The following RANBP2 variants were observed in gnomAD, a reference collection of about 807,000 sequenced individuals.
RANBP2 encodes E3 SUMO-protein ligase RanBP2.
A neutral mutation model predicts 303.6 loss-of-function variants in RANBP2; 57 were observed. The observed-to-expected ratio is 0.19, with a 90% CI of 0.15 to 0.23. The LOEUF is 0.23. RANBP2 is among the 10% of genes least tolerant of loss of function. The pLI is 1.00. For missense variants in RANBP2, 3,138 were observed against 3,780.8 expected (o/e 0.83, Z 4.46); for synonymous variants, 1,167 against 1,301.5 (o/e 0.90, Z 2.23).
chr2:108,969,042 C>T, the RANBP2 span, among the ~76,000 whole-genome samples: 17 of 152,282 alleles, frequency 1.1e-4, no homozygotes, highest in Non-Finnish European at 2.1e-4. Context: ...CAAGGGATCC[C>T]TCATTAAGGA....
the RANBP2 span, among the ~76,000 whole-genome samples, chr2:108,973,849 A>T: frequency 6.6e-6 from 1 of 152,198 alleles, no homozygotes; most frequent in Admixed American, 6.5e-5. Context: ...TTATGTAAAT[A>T]ACAACATTTC....
chr2:109,661,305 G>A, the RANBP2 span, among the ~76,000 whole-genome samples: 1 of 151,290 alleles, frequency 6.6e-6, no homozygotes, highest in African/African-American at 2.4e-5. Flanking sequence ...GGAGTGCAAT[G>A]GCACGATCTC....
the RANBP2 span, among the ~76,000 whole-genome samples, chr2:109,003,463 T>A: frequency 1.3e-5 from 2 of 151,454 alleles, no homozygotes; most frequent in Non-Finnish European, 2.9e-5. Flanking sequence ...CAGACTGGAG[T>A]GCAATGGCAT....
At chr2:109,636,635 T>A in the RANBP2 span, among the ~76,000 whole-genome samples, 2 of 152,122 alleles carry the variant, frequency 1.3e-5, no homozygotes, top group African/African-American at 2.4e-5. Flanking sequence ...CTGAATAAGA[T>A]CTGAAGATTA....
the RANBP2 span, among the ~76,000 whole-genome samples, chr2:109,651,587 T>A: frequency 4.0e-4 from 61 of 152,300 alleles, no homozygotes; most frequent in African/African-American, 1.3e-3. Flanking sequence ...ATATTCCCAA[T>A]GGACAAAACT....
chr2:109,140,628 G>T, the RANBP2 span, among the ~76,000 whole-genome samples: 1,125 of 152,238 alleles, frequency 7.4e-3, 8 homozygotes, highest in Non-Finnish European at 0.011. Flanking sequence ...TGATCCACCT[G>T]CCTCAGCCTC....
In RANBP2 at chr2:108,766,027, C is replaced by T. The variant is rs1368962685; in HGVS notation, c.5488C>T (p.His1830Tyr). The change falls in exon 20 of 29, where the codon CAT (histidine) becomes TAT (tyrosine). Residue 1830 changes from histidine (H) to tyrosine (Y), a missense_variant. Around this residue, in one of 20 missense-constraint regions of RANBP2, gnomAD observed 348 missense variants for 360.4 expected, o/e 0.97. Coordinates refer to ENST00000283195, the MANE Select transcript of RANBP2 (RefSeq NM_006267.5). ...CACACTGGGCTCAGAAATGAAGTTG[C>T]ATGACTCTTCTGGAAGTCAGGTGGG... ...AFTLGSEMKL[H>Y]DSSGSQVGTG... is the part of the protein sequence containing the mutation. The T allele has an allele frequency of 1.2e-6, 2 of 1,614,132 alleles. No individual in the cohort carries two copies. Among genetic ancestry groups the T allele is most frequent in the Non-Finnish European group, 1.7e-6 (2 of 1,179,992 alleles).
the RANBP2 span, among the ~76,000 whole-genome samples, chr2:108,927,285 C>T: frequency 1.3e-5 from 2 of 152,060 alleles, no homozygotes; most frequent in African/African-American, 4.8e-5. Context: ...GGTCACTGTC[C>T]CATGGAGTAG....
At chr2:109,120,535 T>C in the RANBP2 span, among the ~76,000 whole-genome samples, 1 of 152,098 alleles carries the variant, frequency 6.6e-6, no homozygotes, top group Non-Finnish European at 1.5e-5. Flanking sequence ...GCACTTCTTC[T>C]TGGATGAGTG....
the RANBP2 span, among the ~76,000 whole-genome samples, chr2:109,143,809 T>TACACAC: frequency 1.9e-3 from 288 of 148,816 alleles, no homozygotes; most frequent in African/African-American, 3.9e-3. Context: ...CTGTGCTGTA[T>TACACAC]ACACACACAC....
chr2:108,973,401 G>A, the RANBP2 span, among the ~76,000 whole-genome samples: 1 of 152,206 alleles, frequency 6.6e-6, no homozygotes, highest in African/African-American at 2.4e-5. Flanking sequence ...TCCGCCATCA[G>A]CCCCTGAGAC....
At chr2:109,566,631 C>CT in the RANBP2 span, among the ~76,000 whole-genome samples, 2 of 151,884 alleles carry the variant, frequency 1.3e-5, no homozygotes, top group Non-Finnish European at 2.9e-5. Flanking sequence ...AAATTAATGT[C>CT]AATATAGTAA....
At chr2:108,804,787 T>G in the RANBP2 span, 16 of 1,127,558 alleles carry the variant, frequency 1.4e-5, no homozygotes, top group East Asian at 4.3e-4. Flanking sequence ...AAAGTTTTTG[T>G]GATTGAAGGA....
chr2:109,405,943 T>A, the RANBP2 span, among the ~76,000 whole-genome samples: 1 of 152,340 alleles, frequency 6.6e-6, no homozygotes, highest in African/African-American at 2.4e-5. Context: ...GATGGTCTTG[T>A]ACATAAAGCA....
chr2:109,130,167 G>A, the RANBP2 span: 1 of 1,253,134 alleles, frequency 8.0e-7, no homozygotes, highest in Non-Finnish European at 1.0e-6. Context: ...GTGTGGGTGG[G>A]TGCTTGGGCG....
At chr2:109,507,239 C>A in the RANBP2 span, among the ~76,000 whole-genome samples, 1 of 152,160 alleles carries the variant, frequency 6.6e-6, no homozygotes, top group East Asian at 1.9e-4. Flanking sequence ...TTGAGATGCA[C>A]CCCCCTTCCC....
chr2:108,999,773 T>A, the RANBP2 span, among the ~76,000 whole-genome samples: 6 of 152,326 alleles, frequency 3.9e-5, no homozygotes, highest in East Asian at 1.2e-3. Context: ...AATTTCCCTT[T>A]TTATTATTAC....
chr2:109,678,189 G>A, the RANBP2 span, among the ~76,000 whole-genome samples: 3 of 152,224 alleles, frequency 2.0e-5, no homozygotes, highest in Non-Finnish European at 2.9e-5. Context: ...GCTAAAAGCA[G>A]GAAAGATCTT....
At chr2:109,167,957 A>G in the RANBP2 span, among the ~76,000 whole-genome samples, 1 of 152,186 alleles carries the variant, frequency 6.6e-6, no homozygotes, top group Non-Finnish European at 1.5e-5. Flanking sequence ...TCACATGTAG[A>G]GAAACATTTA....
Sources: gnomAD v4.1 joint callset for allele counts (sites outside exome capture counted in the v4.1 genomes callset) on GRCh38, gnomAD v4.1.1 for gene constraint, gnomAD v4.1.1 regional missense constraint, MANE v1.5 for transcripts, NCBI Gene and HGNC (gene_info 2026-07-23, HGNC 2026-07-21) for gene names.